HAT1: variants seen among roughly 807,000 people sequenced by gnomAD.
HAT1 encodes histone acetyltransferase type B catalytic subunit.
HAT1 carries 20 observed loss-of-function variants against 56.6 expected under a neutral mutation model. That is an observed-to-expected ratio of 0.35 (90% confidence interval 0.25 to 0.51). HAT1 has a LOEUF of 0.51. HAT1 is among the 20% of genes least tolerant of loss of function. HAT1 has a pLI of 0.95. For synonymous variants in HAT1, 146 were observed against 165.5 expected (o/e 0.88, Z 0.91); for missense variants, 408 against 504.3 (o/e 0.81, Z 1.83).
Position 171,922,463 on chromosome 2 carries a change from T to A in HAT1, c.-38T>A. ...TCCGGCCCGGGAGCGCGCGGGTTGA[T>A]TCGTCCTTCCTCAGCCGCGGGTGAT... is the stretch of plus-strand genomic sequence containing the variant. On this transcript the variant is annotated 5_prime_UTR_variant, in exon 1 of 11. Transcript: ENST00000264108. The A allele has an allele frequency of 7.6e-7, 1 of 1,317,778 alleles. No individual in the cohort carries two copies. The highest frequency in any genetic ancestry group is 9.8e-7 in the Non-Finnish European group (1 of 1,023,992). 81.6% of individuals were successfully genotyped at this position (1,317,778 alleles called of 1,614,324 possible).
At position 171,983,213 on chromosome 2, in the gene HAT1, GA is replaced by G; in HGVS notation, c.1125del (p.Lys375AsnfsTer8). On this transcript the variant is annotated frameshift_variant, in exon 11 of 11. Coordinates refer to ENST00000264108, the MANE Select transcript of HAT1 (RefSeq NM_003642.4). LOFTEE classifies it high-confidence loss of function. ...KKKQRDLAKM[R>X]KCLRPEELTN... ...AAGCAGAGAGATCTTGCTAAGATGAGAAAATGTCTCAGACCAGAAGAACTGA... is the reference window on the plus strand; with the variant it reads ...AAGCAGAGAGATCTTGCTAAGATGAGAAATGTCTCAGACCAGAAGAACTGA... 1 of 1,589,598 alleles carries G rather than the reference GA, an allele frequency of 6.3e-7. No individual in the cohort carries two copies. Among genetic ancestry groups the G allele is most frequent in the Admixed American group, 1.8e-5 (1 of 54,558 alleles).
intron 4 of HAT1, among the ~76,000 whole-genome samples, chr2:171,958,421 G>GT (rs935866426): frequency 2.6e-5 from 4 of 150,970 alleles, no homozygotes; most frequent in Non-Finnish European, 5.9e-5. Flanking sequence ...TTGACCATGT[G>GT]TTTTTCCCCC....
At chr2:171,938,938 G>T (rs966456977) in intron 2 of HAT1, among the ~76,000 whole-genome samples, 1 of 151,874 alleles carries the variant, frequency 6.6e-6, no homozygotes, top group African/African-American at 2.4e-5. Flanking sequence ...ACGGGGTTTC[G>T]CCATGTTGCT....
At chr2:171,928,711 A>G (rs545908077) in intron 2 of HAT1, among the ~76,000 whole-genome samples, 3 of 152,138 alleles carry the variant, frequency 2.0e-5, no homozygotes, top group Admixed American at 6.5e-5. Context: ...GAGTTTCACT[A>G]TGTTGGCCAG....
At chr2:171,946,211 A>T (rs1238468038) in intron 2 of HAT1, among the ~76,000 whole-genome samples, 1 of 152,216 alleles carries the variant, frequency 6.6e-6, no homozygotes, top group Admixed American at 6.5e-5. Context: ...GTATATAAGG[A>T]TGTCATTGCA....
At chr2:171,942,899 T>C (rs1047956123) in intron 2 of HAT1, among the ~76,000 whole-genome samples, 4 of 152,208 alleles carry the variant, frequency 2.6e-5, no homozygotes, top group African/African-American at 9.6e-5. Flanking sequence ...CTTTTCTTAC[T>C]CATTACTTGT....
At chr2:171,965,937 C>T (rs1687673166) in intron 6 of HAT1, 29 bp downstream of exon 6, 1 of 1,581,098 alleles carries the variant, frequency 6.3e-7, no homozygotes, top group Non-Finnish European at 8.6e-7. Context: ...CAACAGTAGA[C>T]CTTATTACCT....
At chr2:171,964,529 C>T (rs1687642219) in intron 4 of HAT1, among the ~76,000 whole-genome samples, 2 of 152,210 alleles carry the variant, frequency 1.3e-5, no homozygotes, top group South Asian at 4.1e-4. Context: ...GTTTTATTGC[C>T]TGGTGAGAAG....
intron 2 of HAT1, among the ~76,000 whole-genome samples, chr2:171,926,262 G>A (rs775651195): frequency 6.6e-6 from 1 of 151,976 alleles, no homozygotes; most frequent in Non-Finnish European, 1.5e-5. Flanking sequence ...GGAGACCACA[G>A]GTGTGCACCA....
chr2:171,944,686 T>C (rs1420930733), intron 2 of HAT1, among the ~76,000 whole-genome samples: 1 of 152,180 alleles, frequency 6.6e-6, no homozygotes, highest in Admixed American at 6.6e-5. Flanking sequence ...AGGAGGCACA[T>C]AATGTTGTTC....
intron 2 of HAT1, among the ~76,000 whole-genome samples, chr2:171,928,308 ATTAC>A (rs1197619581): frequency 6.6e-6 from 1 of 152,208 alleles, no homozygotes; most frequent in East Asian, 1.9e-4. Context: ...ATAGAACTTT[ATTAC>A]TTACTGTTCA....
chr2:171,927,765 T>G (rs1474540379), intron 2 of HAT1, among the ~76,000 whole-genome samples: 1 of 151,464 alleles, frequency 6.6e-6, no homozygotes, highest in Non-Finnish European at 1.5e-5. Flanking sequence ...TTTTTTTGTG[T>G]TTTTAGTAGA....
chr2:171,964,967 G>A (rs959860639), intron 4 of HAT1: 1 of 159,968 alleles, frequency 6.3e-6, no homozygotes, highest in East Asian at 1.8e-4. Context: ...TCATGTCTTG[G>A]ATAATATGAT....
chr2:171,934,761 T>G (rs1686826777), intron 2 of HAT1, among the ~76,000 whole-genome samples: 1 of 150,990 alleles, frequency 6.6e-6, no homozygotes, highest in African/African-American at 2.4e-5. Flanking sequence ...TGGGTTTTTT[T>G]TTTTTTTTTT....
At chr2:171,941,693 C>T (rs1687022929) in intron 2 of HAT1, among the ~76,000 whole-genome samples, 1 of 152,140 alleles carries the variant, frequency 6.6e-6, no homozygotes, top group Admixed American at 6.5e-5. Context: ...GGCGCTCAGG[C>T]AGTAGTGCAA....
chr2:171,927,672 C>G (rs1024029997), intron 2 of HAT1, among the ~76,000 whole-genome samples: 2 of 152,202 alleles, frequency 1.3e-5, no homozygotes, highest in East Asian at 3.8e-4. Flanking sequence ...ACTGCAACCT[C>G]TGCCTCCCAG....
chr2:171,934,992 G>A (rs972231380), intron 2 of HAT1, among the ~76,000 whole-genome samples: 3 of 151,300 alleles, frequency 2.0e-5, no homozygotes, highest in African/African-American at 4.8e-5. Flanking sequence ...CTGACCTCAA[G>A]TGATCCATCT....
intron 1 of HAT1, chr2:171,924,594 G>C (rs1460621920): frequency 6.6e-6 from 1 of 152,090 alleles, no homozygotes; most frequent in Non-Finnish European, 1.5e-5. Flanking sequence ...GTATATTATT[G>C]AGTAGCCACT....
chr2:171,952,656 T>C (rs1163237843), intron 3 of HAT1, among the ~76,000 whole-genome samples: 1 of 152,246 alleles, frequency 6.6e-6, no homozygotes, highest in Non-Finnish European at 1.5e-5. Flanking sequence ...GTAGTTTACA[T>C]GTATTAACTT....
Sources: gnomAD v4.1 joint callset for allele counts (sites outside exome capture counted in the v4.1 genomes callset) on GRCh38, gnomAD v4.1.1 for gene constraint, MANE v1.5 for transcripts, NCBI Gene and HGNC (gene_info 2026-07-23, HGNC 2026-07-21) for gene names.